The following FHIT variants were observed in gnomAD, a reference collection of about 807,000 sequenced individuals.
FHIT encodes bis(5'-adenosyl)-triphosphatase.
In FHIT, 19 loss-of-function variants were observed where a neutral mutation model predicts 17.9. The ratio of observed to expected loss-of-function variants is 1.06; its 90% CI spans 0.74 to 1.56. The LOEUF (loss-of-function observed/expected upper bound fraction) is 1.56, where lower values mean the gene tolerates loss of function less well. FHIT is among the 40% of genes most tolerant of loss of function. The pLI is 0.00. For missense variants in FHIT, 248 were observed against 189.2 expected (o/e 1.31, Z -1.82); for synonymous variants, 81 against 69.7 (o/e 1.16, Z -0.81).
chr3:59,821,514 C>G (rs1032201721), intron 8 of FHIT, among the ~76,000 whole-genome samples: 7 of 152,180 alleles, frequency 4.6e-5, no homozygotes, highest in Non-Finnish European at 1.0e-4. Flanking sequence ...ATGATTCTCT[C>G]ACAGAGCAGA....
chr3:60,439,496 C>A (rs1023926021), intron 5 of FHIT, among the ~76,000 whole-genome samples: 5 of 152,000 alleles, frequency 3.3e-5, no homozygotes, highest in African/African-American at 1.2e-4. Flanking sequence ...CACTTCAGAA[C>A]CCTGCTTTTA....
intron 9 of FHIT, chr3:59,750,071 G>A (rs911716857): frequency 4.4e-6 from 1 of 225,210 alleles, no homozygotes; most frequent in Admixed American, 5.7e-5. Flanking sequence ...ACAAGTTAGG[G>A]TAAATATCTT....
intron 4 of FHIT, among the ~76,000 whole-genome samples, chr3:60,627,404 A>G (rs1400258264): frequency 1.3e-5 from 2 of 152,174 alleles, no homozygotes; most frequent in Non-Finnish European, 2.9e-5. Context: ...GTATCTGTTT[A>G]GGAATTTGTT....
intron 4 of FHIT, among the ~76,000 whole-genome samples, chr3:60,810,866 T>A (rs1204011011): frequency 6.6e-6 from 1 of 152,196 alleles, no homozygotes; most frequent in Non-Finnish European, 1.5e-5. Flanking sequence ...CTTTATAAAC[T>A]GGAATTGTTT....
intron 5 of FHIT, among the ~76,000 whole-genome samples, chr3:60,387,297 T>C (rs1209764760): frequency 1.3e-5 from 2 of 152,098 alleles, no homozygotes; most frequent in African/African-American, 4.8e-5. Flanking sequence ...AGCCAACTTA[T>C]TCTTTAATGT....
chr3:61,007,718 A>C (rs1158852749), intron 3 of FHIT, among the ~76,000 whole-genome samples: 1 of 152,128 alleles, frequency 6.6e-6, no homozygotes, highest in African/African-American at 2.4e-5. Flanking sequence ...GAAGCTGTTG[A>C]TGTTCCACTC....
At chr3:60,311,179 C>A (rs567700199) in intron 5 of FHIT, among the ~76,000 whole-genome samples, 1 of 152,014 alleles carries the variant, frequency 6.6e-6, no homozygotes, top group African/African-American at 2.4e-5. Flanking sequence ...CCTTTAACCT[C>A]AAACATTACT....
intron 7 of FHIT, among the ~76,000 whole-genome samples, chr3:60,001,246 T>A (rs1384014366): frequency 6.6e-6 from 1 of 152,184 alleles, no homozygotes; most frequent in Admixed American, 6.5e-5. Context: ...TGGGAGCACA[T>A]GGCACATAGT....
intron 5 of FHIT, among the ~76,000 whole-genome samples, chr3:60,129,825 A>T (rs1699458035): frequency 6.6e-6 from 1 of 152,184 alleles, no homozygotes; most frequent in African/African-American, 2.4e-5. Context: ...CATGAATTTT[A>T]TAGAATATAC....
intron 4 of FHIT, among the ~76,000 whole-genome samples, chr3:60,780,846 G>GA: frequency 6.6e-6 from 1 of 152,280 alleles, no homozygotes; most frequent in South Asian, 2.1e-4. Flanking sequence ...TTGCACTGGG[G>GA]AGGAGCCTGG....
chr3:60,345,705 C>T (rs184249165), intron 5 of FHIT, among the ~76,000 whole-genome samples: 37 of 152,282 alleles, frequency 2.4e-4, no homozygotes, highest in Non-Finnish European at 1.6e-4. Flanking sequence ...GAACACAGTG[C>T]TAAATTCCTA....
At chr3:60,388,738 A>G (rs1701110543) in intron 5 of FHIT, among the ~76,000 whole-genome samples, 1 of 152,224 alleles carries the variant, frequency 6.6e-6, no homozygotes, top group African/African-American at 2.4e-5. Flanking sequence ...GATGTCTTCA[A>G]GTAATCACAC....
intron 5 of FHIT, among the ~76,000 whole-genome samples, chr3:60,426,371 C>T (rs73096245): frequency 0.1 from 15,347 of 152,144 alleles, 1,258 homozygotes; most frequent in East Asian, 0.38. Flanking sequence ...TAAGCAGTGA[C>T]GGATGATATC....
chr3:60,098,113 C>G (rs79882272), intron 5 of FHIT, among the ~76,000 whole-genome samples: 87,205 of 139,286 alleles, frequency 0.63, 27,986 homozygotes, highest in East Asian at 0.97. Flanking sequence ...TCCAGTCTAT[C>G]CTTGTTGGAC....
intron 3 of FHIT, among the ~76,000 whole-genome samples, chr3:60,860,306 T>C (rs1703634780): frequency 1.4e-5 from 2 of 147,284 alleles, no homozygotes; most frequent in Admixed American, 1.4e-4. Flanking sequence ...ATACATCATA[T>C]GTATACATGA....
chr3:60,291,173 G>T (rs183127444), intron 5 of FHIT, among the ~76,000 whole-genome samples: 18 of 152,206 alleles, frequency 1.2e-4, no homozygotes, highest in African/African-American at 4.3e-4. Context: ...GCTCTCTGCT[G>T]GGGAGAGGGG....
chr3:60,140,184 G>C (rs960286849), intron 5 of FHIT, among the ~76,000 whole-genome samples: 2 of 151,992 alleles, frequency 1.3e-5, no homozygotes, highest in African/African-American at 4.8e-5. Context: ...TATTCCTATA[G>C]ACATATTTTT....
intron 3 of FHIT, among the ~76,000 whole-genome samples, chr3:60,958,302 TTTAAAC>T (rs1320565491): frequency 6.6e-6 from 1 of 152,180 alleles, no homozygotes; most frequent in Non-Finnish European, 1.5e-5. Flanking sequence ...AACCCATATA[TTTAAAC>T]TTATGAGAAA....
intron 3 of FHIT, among the ~76,000 whole-genome samples, chr3:60,983,138 T>C (rs1395541461): frequency 1.3e-4 from 6 of 46,110 alleles, no homozygotes; most frequent in Non-Finnish European, 2.5e-4. Context: ...TTCTCTCTTG[T>C]GTGTGTGTGT....
Sources: gnomAD v4.1 joint callset for allele counts (sites outside exome capture counted in the v4.1 genomes callset) on GRCh38, gnomAD v4.1.1 for gene constraint, MANE v1.5 for transcripts, NCBI Gene and HGNC (gene_info 2026-07-23, HGNC 2026-07-21) for gene names.